Variants in TMEM132D observed in about 807,000 individuals in gnomAD.
TMEM132D encodes transmembrane protein 132D, also known as mature OL transmembrane protein.
TMEM132D carries 21 observed loss-of-function variants against 62.3 expected under a neutral mutation model. The observed-to-expected ratio is 0.34, with a 90% CI of 0.24 to 0.49. The LOEUF (loss-of-function observed/expected upper bound fraction) is 0.49. TMEM132D is among the 20% of genes least tolerant of loss of function. TMEM132D has a pLI of 0.99. For synonymous variants in TMEM132D, 621 were observed against 575.6 expected, an observed-to-expected ratio of 1.08 and a Z score of -1.13; for missense variants, 1,346 against 1,402.8, an observed-to-expected ratio of 0.96 and a Z score of 0.65.
intron 1 of TMEM132D, among the ~76,000 whole-genome samples, chr12:129,877,628 C>CAGAGAG (rs71085585): frequency 7.5e-5 from 11 of 146,962 alleles, no homozygotes; most frequent in African/African-American, 2.6e-4. Context: ...CACACACACA[C>CAGAGAG]AGAGAGAGAG....
intron 4 of TMEM132D, among the ~76,000 whole-genome samples, chr12:129,230,247 CCTT>C (rs1879599380): frequency 6.7e-6 from 1 of 150,122 alleles, no homozygotes; most frequent in Non-Finnish European, 1.5e-5. Context: ...TTCCTCAGCT[CCTT>C]CTGTGTAGGG....
intron 2 of TMEM132D, among the ~76,000 whole-genome samples, chr12:129,640,299 C>T (rs1443099714): frequency 6.6e-6 from 1 of 152,152 alleles, no homozygotes; most frequent in Non-Finnish European, 1.5e-5. Context: ...ACAGACACAA[C>T]ATAAAAGCGT....
intron 3 of TMEM132D, among the ~76,000 whole-genome samples, chr12:129,422,319 T>C (rs1872352193): frequency 6.6e-6 from 1 of 152,124 alleles, no homozygotes; most frequent in Non-Finnish European, 1.5e-5. Context: ...ATATTGCTTC[T>C]CACATAATAA....
At position 129,406,725 on chromosome 12, in the gene TMEM132D, C is replaced by T. The variant is rs541078875; in HGVS notation, c.1116-68908G>A. On this transcript the variant is annotated intron_variant, in intron 3 of 8. Transcript: ENST00000422113. ...AGAGATAACAGAAAATGGGCTACTT[C>T]GTATGCCTCATAGGCTATGCCTTGT... Among the ~76,000 whole-genome samples, 9 of 152,204 alleles carry T rather than the reference C, an allele frequency of 5.9e-5. No individual in the cohort carries two copies. In the East Asian group the frequency reaches 1.2e-3, roughly 20 times the overall value.
At chr12:129,466,288 T>TC in intron 3 of TMEM132D, among the ~76,000 whole-genome samples, 1 of 1,112 alleles carries the variant, frequency 9.0e-4, no homozygotes, top group African/African-American at 1.6e-3. Flanking sequence ...CCTTTTTTTT[T>TC]TTTTTTTTTT....
At chr12:129,270,706 A>C (rs1880830851) in intron 4 of TMEM132D, among the ~76,000 whole-genome samples, 1 of 152,166 alleles carries the variant, frequency 6.6e-6, no homozygotes, top group Non-Finnish European at 1.5e-5. Context: ...TTGCAGTTCA[A>C]GTTAAGTCAC....
chr12:129,242,555 T>A (rs1030573130), intron 4 of TMEM132D, among the ~76,000 whole-genome samples: 9 of 152,214 alleles, frequency 5.9e-5, no homozygotes, highest in African/African-American at 2.2e-4. Context: ...CTTTTAAATG[T>A]AGAATTTAAT....
chr12:129,558,330 T>A (rs1294133922), intron 2 of TMEM132D, among the ~76,000 whole-genome samples: 2 of 152,202 alleles, frequency 1.3e-5, no homozygotes, highest in Non-Finnish European at 1.5e-5. Context: ...GCCTACTTCA[T>A]GTGGTCAGGG....
At chr12:129,352,412 T>G (rs1869895124) in intron 3 of TMEM132D, among the ~76,000 whole-genome samples, 1 of 149,448 alleles carries the variant, frequency 6.7e-6, no homozygotes, top group South Asian at 2.1e-4. Flanking sequence ...ACTCTGTCTA[T>G]GAAGTAGCTG....
At position 129,562,485 on chromosome 12, in the gene TMEM132D, G is replaced by T. The variant is rs183494483; in HGVS notation, c.969-31280C>A. ...ATCAGGGAGGTTGTGAACAAGCCCTGAGTCACTGCATGGATTCTGGAACCT... is the reference window on the plus strand; with the variant it reads ...ATCAGGGAGGTTGTGAACAAGCCCTTAGTCACTGCATGGATTCTGGAACCT... On this transcript the variant is annotated intron_variant, in intron 2 of 8. Transcript: ENST00000422113. Among the ~76,000 whole-genome samples the T allele has an allele frequency of 1.6e-3, 249 of 152,298 alleles. 1 individual carries two copies. The highest frequency in any genetic ancestry group is 2.5e-3 in the Non-Finnish European group (169 of 68,038).
chr12:129,836,314 G>T (rs1443677617), intron 1 of TMEM132D, among the ~76,000 whole-genome samples: 1 of 143,348 alleles, frequency 7.0e-6, no homozygotes, highest in African/African-American at 2.4e-5. Context: ...CCTGACCTCT[G>T]CAGACATTTG....
At chr12:129,370,680 C>T (rs58412453) in intron 3 of TMEM132D, among the ~76,000 whole-genome samples, 8,402 of 152,192 alleles carry the variant, frequency 0.055, 272 homozygotes, top group South Asian at 0.12. Context: ...TTTATAGACA[C>T]AGTGGAATAT....
chr12:129,900,512 G>A (rs540542044), intron 1 of TMEM132D, among the ~76,000 whole-genome samples: 10 of 152,304 alleles, frequency 6.6e-5, no homozygotes, highest in South Asian at 2.1e-4. Flanking sequence ...GTCTCTCAGC[G>A]TCTGCTTCTT....
intron 5 of TMEM132D, among the ~76,000 whole-genome samples, chr12:129,170,403 A>G (rs1222966319): frequency 2.0e-5 from 3 of 152,234 alleles, no homozygotes; most frequent in Non-Finnish European, 4.4e-5. Context: ...TTATATCTCA[A>G]TAAAGAGAGT....
rs772149560 is a variant in TMEM132D, at chr12:129,531,132, G to A, written c.1042C>T (p.Arg348Cys). The A allele has an allele frequency of 1.7e-5, 28 of 1,613,886 alleles. No homozygotes were observed. The highest frequency in any genetic ancestry group is 2.1e-5 in the Non-Finnish European group (25 of 1,179,916). Residue 348 changes from arginine to cysteine, a missense_variant, in exon 3 of 9, where the codon CGC (arginine) becomes TGC (cysteine). Coordinates refer to ENST00000422113, the MANE Select transcript of TMEM132D (RefSeq NM_133448.3). ...GCATACTTTCCAGTATAATCCGTGCGCTCCTTGACATCCCAAATGGAAGGG... is the reference window on the plus strand; with the variant it reads ...GCATACTTTCCAGTATAATCCGTGCACTCCTTGACATCCCAAATGGAAGGG... ...SSPSIWDVKE[R>C]TDYTGKYAPA...
At chr12:129,103,360 C>T (rs1456201800) in intron 5 of TMEM132D, among the ~76,000 whole-genome samples, 1 of 152,208 alleles carries the variant, frequency 6.6e-6, no homozygotes, top group African/African-American at 2.4e-5. Flanking sequence ...ATTTCACTCC[C>T]TCATGGACAA....
chr12:129,164,258 C>T (rs565057185), intron 5 of TMEM132D, among the ~76,000 whole-genome samples: 1 of 152,358 alleles, frequency 6.6e-6, no homozygotes, highest in South Asian at 2.1e-4. Context: ...ACAGCCTTTC[C>T]TCTGACCTTA....
chr12:129,742,451 C>T (rs561624931), intron 1 of TMEM132D, among the ~76,000 whole-genome samples: 1 of 152,268 alleles, frequency 6.6e-6, no homozygotes, highest in East Asian at 1.9e-4. Flanking sequence ...ACAAGCCAAG[C>T]CATTCATGAG....
chr12:129,572,038 AGGTACTCAC>A (rs1877528158), intron 2 of TMEM132D, among the ~76,000 whole-genome samples: 2 of 152,156 alleles, frequency 1.3e-5, no homozygotes, highest in South Asian at 4.1e-4. Flanking sequence ...CCTCATCCGC[AGGTACTCAC>A]CCTGCAGGAA....
Sources: gnomAD v4.1 joint callset for allele counts (sites outside exome capture counted in the v4.1 genomes callset) on GRCh38, gnomAD v4.1.1 for gene constraint, MANE v1.5 for transcripts, NCBI Gene and HGNC (gene_info 2026-07-23, HGNC 2026-07-21) for gene names.